The following USH2A variants were observed in gnomAD, a reference collection of about 807,000 sequenced individuals.
USH2A encodes usherin, also known as Usher syndrome 2A (autosomal recessive, mild).
USH2A carries 443 observed loss-of-function variants against 538.9 expected under a neutral mutation model. That is an observed-to-expected ratio of 0.82 (90% CI 0.76 to 0.89). USH2A has a LOEUF of 0.89. Ranked by LOEUF, USH2A falls within the 40% of genes least tolerant of loss-of-function variation. The pLI is 0.00. For missense variants in USH2A, 6,633 were observed against 6,324.8 expected (o/e 1.05, Z -1.65); for synonymous variants, 2,413 against 2,273.5 (o/e 1.06, Z -1.75).
At chr1:216,365,163 T>G in intron 3 of USH2A, 78 bp from the exon 4 acceptor site, 1 of 1,499,354 alleles carries the variant, frequency 6.7e-7, no homozygotes. Context: ...GCAGTTTTTA[T>G]TAAGTAACTT....
chr1:215,733,075 G>A (rs770742102), intron 60 of USH2A, among the ~76,000 whole-genome samples: 10 of 151,970 alleles, frequency 6.6e-5, no homozygotes, highest in South Asian at 2.1e-4. Flanking sequence ...CCTGCAGGGC[G>A]TACAGAAAGC....
At chr1:215,984,020 G>C (rs1022657770) in intron 35 of USH2A, among the ~76,000 whole-genome samples, 1 of 152,166 alleles carries the variant, frequency 6.6e-6, no homozygotes, top group African/African-American at 2.4e-5. Context: ...GGGAGAATGA[G>C]TTCTGAGACT....
intron 30 of USH2A, among the ~76,000 whole-genome samples, chr1:216,068,774 C>T (rs961861604): frequency 5.3e-5 from 8 of 152,136 alleles, no homozygotes; most frequent in African/African-American, 1.9e-4. Context: ...TAGCATAGCA[C>T]ACACCTCCTG....
At chr1:215,798,398 C>A (rs1303541752) in intron 50 of USH2A, among the ~76,000 whole-genome samples, 1 of 152,094 alleles carries the variant, frequency 6.6e-6, no homozygotes, top group Non-Finnish European at 1.5e-5. Context: ...TCAGTTTCTT[C>A]ATTTTTAAAA....
intron 61 of USH2A, among the ~76,000 whole-genome samples, chr1:215,697,112 C>T (rs1239964109): frequency 7.3e-6 from 1 of 136,138 alleles, no homozygotes; most frequent in African/African-American, 2.5e-5. Flanking sequence ...GCCACCAGGC[C>T]CAGCTAATTT....
chr1:215,799,901 G>A (rs1662272529), intron 49 of USH2A, among the ~76,000 whole-genome samples: 1 of 152,074 alleles, frequency 6.6e-6, no homozygotes, highest in Non-Finnish European at 1.5e-5. Flanking sequence ...CACGAGAATT[G>A]CTTGAACCCG....
chr1:216,412,418 G>A (rs1411717985), intron 3 of USH2A, among the ~76,000 whole-genome samples: 1 of 152,004 alleles, frequency 6.6e-6, no homozygotes. Context: ...TGGGTCAGGT[G>A]ATCAGGCTGG....
At chr1:215,630,482 GTA>G (rs1158726890) in intron 70 of USH2A, among the ~76,000 whole-genome samples, 1,276 of 22,292 alleles carry the variant, frequency 0.057, 19 homozygotes, top group Middle Eastern at 0.17. Flanking sequence ...ATGTGTGTGT[GTA>G]TATATATATA....
At chr1:215,724,998 C>T (rs973286954) in intron 61 of USH2A, among the ~76,000 whole-genome samples, 6 of 152,072 alleles carry the variant, frequency 3.9e-5, no homozygotes, top group African/African-American at 9.7e-5. Flanking sequence ...TCTTCTGTGA[C>T]GGTGAGGAGT....
At chr1:216,334,700 T>C (rs1300431782) in intron 4 of USH2A, among the ~76,000 whole-genome samples, 1 of 151,734 alleles carries the variant, frequency 6.6e-6, no homozygotes, top group Non-Finnish European at 1.5e-5. Flanking sequence ...TCAGACAAAA[T>C]AGACTTTAGA....
chr1:216,205,819 T>C (rs2035100075), intron 16 of USH2A, among the ~76,000 whole-genome samples: 1 of 152,188 alleles, frequency 6.6e-6, no homozygotes, highest in Non-Finnish European at 1.5e-5. Flanking sequence ...TCAGAGAAGA[T>C]AGAGCTGGAA....
intron 4 of USH2A, among the ~76,000 whole-genome samples, chr1:216,329,401 A>G (rs757240785): frequency 1.3e-5 from 2 of 152,170 alleles, no homozygotes; most frequent in African/African-American, 2.4e-5. Flanking sequence ...TGAGAAGAAT[A>G]CATGCAAATA....
intron 61 of USH2A, among the ~76,000 whole-genome samples, chr1:215,723,978 G>A (rs761335930): frequency 6.6e-6 from 1 of 152,064 alleles, no homozygotes; most frequent in Non-Finnish European, 1.5e-5. Flanking sequence ...AAAGATACCT[G>A]CATTCGTATG....
chr1:216,274,853 C>T (rs1245715724), intron 11 of USH2A, among the ~76,000 whole-genome samples: 1 of 152,098 alleles, frequency 6.6e-6, no homozygotes, highest in African/African-American at 2.4e-5. Context: ...TCTTCCCCTC[C>T]AAAAGGCATT....
Position 215,888,563 on chromosome 1 carries a change from AT to A in USH2A, c.8085del (p.Lys2695AsnfsTer7), listed in dbSNP as rs1480186361. Reference sequence around the variant, plus strand: ...GTGCTCATCAGTACCCGATATTCATATTTTGTCCATGGGCTAAGAGCAGAAG... The same window carrying A: ...GTGCTCATCAGTACCCGATATTCATATTTGTCCATGGGCTAAGAGCAGAAG... The part of the protein sequence containing the change: ...DKTSALSPWT[K>X]YEYRVLMSTL... On this transcript the variant is annotated frameshift_variant, in exon 41 of 72. Coordinates refer to ENST00000307340, the MANE Select transcript of USH2A (RefSeq NM_206933.4). LOFTEE classifies it high-confidence loss of function. The A allele has an allele frequency of 1.2e-6, 2 of 1,613,988 alleles. No homozygotes were observed. Among genetic ancestry groups the A allele is most frequent in the African/African-American group, 2.7e-5 (2 of 74,902 alleles).
chr1:216,412,644 T>C (rs2039508624), intron 3 of USH2A, among the ~76,000 whole-genome samples: 1 of 151,752 alleles, frequency 6.6e-6, no homozygotes, highest in African/African-American at 2.4e-5. Context: ...ATTACAAATA[T>C]GTATAAATAT....
At chr1:216,258,059 C>T (rs2036293006) in intron 11 of USH2A, among the ~76,000 whole-genome samples, 1 of 152,086 alleles carries the variant, frequency 6.6e-6, no homozygotes, top group African/African-American at 2.4e-5. Context: ...ATAAGTTGTA[C>T]TTTCCTGCTT....
intron 44 of USH2A, among the ~76,000 whole-genome samples, chr1:215,856,495 A>G (rs915195150): frequency 4.6e-5 from 7 of 152,138 alleles, no homozygotes; most frequent in African/African-American, 1.7e-4. Context: ...AAACCACAAT[A>G]TGGTACCATC....
rs1668197776 is a variant in USH2A, at chr1:215,998,887, T to C, written c.6657A>G (p.Gly2219=). 2 of 1,612,592 alleles carry C rather than the reference T, an allele frequency of 1.2e-6. No homozygotes were observed. Reference sequence around the variant, plus strand: ...GAGAAAGTGATGGAAATAAACTTACTCCCAGCTTGATGAGATATTTATTAC... The same window carrying C: ...GAGAAAGTGATGGAAATAAACTTACCCCCAGCTTGATGAGATATTTATTAC... The part of the protein sequence containing the change: ...LPGNKYLIKL[G]ACTGGGCTVS... Residue 2219 remains glycine, a splice_region_variant and synonymous_variant, in exon 34 of 72, where the codon GGA becomes GGG. Transcript: ENST00000307340.
Sources: gnomAD v4.1 joint callset for allele counts (sites outside exome capture counted in the v4.1 genomes callset) on GRCh38, gnomAD v4.1.1 for gene constraint, MANE v1.5 for transcripts, NCBI Gene and HGNC (gene_info 2026-07-23, HGNC 2026-07-21) for gene names.